Variants in ARHGEF10 observed in about 807,000 individuals in gnomAD.
The protein encoded by ARHGEF10 is Rho guanine nucleotide exchange factor (GEF) 10.
ARHGEF10 carries 140 observed loss-of-function variants against 147.4 expected under a neutral mutation model. The ratio of observed to expected loss-of-function variants is 0.95; its 90% CI spans 0.83 to 1.09. The LOEUF (loss-of-function observed/expected upper bound fraction) is 1.09, where lower values mean the gene tolerates loss of function less well. ARHGEF10 is among the 50% of genes least tolerant of loss of function. The pLI is 0.00. For missense variants in ARHGEF10, 2,222 were observed against 1,752.7 expected, an observed-to-expected ratio of 1.27 and a Z score of -4.78; for synonymous variants, 902 against 695.8, an observed-to-expected ratio of 1.30 and a Z score of -4.67.
In ARHGEF10 at chr8:1,956,805, G is replaced by A. The variant is rs748939392; in HGVS notation, c.3577G>A (p.Ala1193Thr). ...CAGTCCTGTCAAATTCATCGTCCTGGCCACGGCTCTGCACGAGAAAGACAA... is the reference window on the plus strand; with the variant it reads ...CAGTCCTGTCAAATTCATCGTCCTGACCACGGCTCTGCACGAGAAAGACAA... ...HNSPVKFIVLATALHEKDKDK... is the reference protein window; with the variant it reads ...HNSPVKFIVLTTALHEKDKDK... The change falls in exon 29 of 29, where the codon GCC becomes ACC. Residue 1193 changes from alanine (A) to threonine (T), a missense_variant. Physicochemically the swap from Ala to Thr is moderately conservative, Grantham distance 58 (BLOSUM62 0). Coordinates refer to ENST00000349830, the MANE Select transcript of ARHGEF10 (RefSeq NM_014629.4). 4 of 1,613,996 alleles carry A rather than the reference G, an allele frequency of 2.5e-6. No individual in the cohort carries two copies. The South Asian group carries it at 3.3e-5, about 13-fold the overall frequency.
At chr8:1,841,536 C>T (rs931927345) in intron 1 of ARHGEF10, among the ~76,000 whole-genome samples, 3 of 152,130 alleles carry the variant, frequency 2.0e-5, no homozygotes, top group Non-Finnish European at 4.4e-5. Context: ...AGGCTCTTTC[C>T]CAGCTACCGG....
chr8:1,838,684 C>A (rs76175967), intron 1 of ARHGEF10, among the ~76,000 whole-genome samples: 25 of 152,364 alleles, frequency 1.6e-4, no homozygotes, highest in African/African-American at 6.0e-4. Context: ...CCATGGGATC[C>A]GATTGTCGGA....
intron 18 of ARHGEF10, among the ~76,000 whole-genome samples, chr8:1,911,662 A>C (rs192215974): frequency 5.9e-5 from 9 of 152,310 alleles, no homozygotes; most frequent in Admixed American, 2.6e-4. Context: ...GTGGACCGAC[A>C]GTCTCTTGTT....
At chr8:1,931,277 A>AT (rs1242744813) in intron 25 of ARHGEF10, among the ~76,000 whole-genome samples, 3 of 152,034 alleles carry the variant, frequency 2.0e-5, no homozygotes, top group Admixed American at 6.5e-5. Flanking sequence ...TATAATCTGG[A>AT]TTTTTTTCTG....
In ARHGEF10 at chr8:1,867,377, C is replaced by T. The variant is rs73542452; in HGVS notation, c.622+775C>T. Among the ~76,000 whole-genome samples, 455 of 152,252 alleles carry T rather than the reference C, an allele frequency of 3.0e-3. 1 individual carries two copies. Among genetic ancestry groups the T allele is most frequent in the African/African-American group, 9.8e-3 (407 of 41,552 alleles). ...ACGTGAATGATTCGTGTTTAGATTT[C>T]AAAAACAGGAAACATCCAAAAGTGC... On this transcript the variant is annotated intron_variant, in intron 6 of 28. Coordinates refer to ENST00000349830, the MANE Select transcript of ARHGEF10 (RefSeq NM_014629.4).
At chr8:1,890,194 TA>T (rs2129147712) in intron 11 of ARHGEF10, among the ~76,000 whole-genome samples, 1 of 109,948 alleles carries the variant, frequency 9.1e-6, no homozygotes, top group East Asian at 3.1e-4. Flanking sequence ...AGACACTGAA[TA>T]GGGTGAGGGT....
intron 22 of ARHGEF10, among the ~76,000 whole-genome samples, chr8:1,925,972 C>G (rs964763970): frequency 2.0e-5 from 3 of 152,188 alleles, no homozygotes; most frequent in Non-Finnish European, 4.4e-5. Context: ...GCTCCCCTGA[C>G]CCCTCCTGTT....
At chr8:1,905,440 C>A (rs138681251) in intron 16 of ARHGEF10, 131 bp from the exon 17 acceptor site, 3 of 1,143,506 alleles carry the variant, frequency 2.6e-6, no homozygotes, top group African/African-American at 3.0e-5. Context: ...TCACGGGGAA[C>A]ATAGGAACGA....
At chr8:1,863,801 A>G (rs1041528135) in intron 4 of ARHGEF10, among the ~76,000 whole-genome samples, 1 of 152,094 alleles carries the variant, frequency 6.6e-6, no homozygotes, top group Non-Finnish European at 1.5e-5. Context: ...GGAGAGCCAC[A>G]GACAGGCAGG....
At chr8:1,844,055 G>T (rs1008974029) in intron 2 of ARHGEF10, among the ~76,000 whole-genome samples, 2 of 152,242 alleles carry the variant, frequency 1.3e-5, no homozygotes, top group African/African-American at 2.4e-5. Flanking sequence ...GTCGTCTGCA[G>T]GGCCTGGAGA....
At chr8:1,931,198 T>A (rs920567562) in intron 25 of ARHGEF10, among the ~76,000 whole-genome samples, 1 of 152,252 alleles carries the variant, frequency 6.6e-6, no homozygotes, top group African/African-American at 2.4e-5. Context: ...CTGCCTGTGT[T>A]CCTACCACTC....
chr8:1,933,964 A>G, intron 26 of ARHGEF10, 22 bp downstream of exon 26: 1 of 1,614,166 alleles, frequency 6.2e-7, no homozygotes, highest in Non-Finnish European at 8.5e-7. Context: ...AGGTGGCTAC[A>G]CGGTGTGGAA....
intron 7 of ARHGEF10, chr8:1,869,483 A>G (rs949343519): frequency 6.2e-5 from 40 of 641,954 alleles, no homozygotes; most frequent in Non-Finnish European, 1.0e-4. Flanking sequence ...CCAAGCAAAC[A>G]GAGGAGTAAA....
rs745921774 is a variant in ARHGEF10 at position 1,929,360 on chromosome 8, C to T, written c.2996C>T (p.Thr999Ile). 1 of 1,613,922 alleles carries T rather than the reference C, an allele frequency of 6.2e-7. No homozygotes were observed. The highest frequency in any genetic ancestry group is 8.5e-7 in the Non-Finnish European group (1 of 1,180,042). Residue 999 changes from threonine (T) to isoleucine (I), a missense_variant, in exon 25 of 29, where the codon ACA (threonine) becomes ATA (isoleucine). By Grantham distance (89) the Thr-to-Ile change is moderately conservative. Coordinates refer to ENST00000349830, the MANE Select transcript of ARHGEF10 (RefSeq NM_014629.4). ...LQHFFTPEKS[T>I]VMSLACTSQS... ...CACTTTTTCACTCCTGAGAAGTCCA[C>T]AGTCATGAGCCTGGCTTGCACGTCT... is the stretch of plus-strand genomic sequence containing the variant.
chr8:1,908,999 A>G (rs112582675), intron 17 of ARHGEF10, among the ~76,000 whole-genome samples: 3 of 152,222 alleles, frequency 2.0e-5, no homozygotes, highest in African/African-American at 7.2e-5. Context: ...GCTCAGAGTC[A>G]TCAGCAAGCA....
At chr8:1,875,178 C>T (rs546830917) in intron 7 of ARHGEF10, among the ~76,000 whole-genome samples, 2 of 94,950 alleles carry the variant, frequency 2.1e-5, no homozygotes, top group Admixed American at 1.1e-4. Flanking sequence ...TGGGAGAGTG[C>T]AGACACACAC....
rs868749741 is a variant in ARHGEF10, at chr8:1,840,399, T to C, written c.-47-2954T>C. 4.8e-3 allele frequency among the ~76,000 whole-genome samples: 529 copies of C among 111,310 alleles called. 18 individuals are homozygous for C. Among genetic ancestry groups the C allele is most frequent in the Admixed American group, 0.012 (133 of 10,724 alleles). 73.0% of individuals were successfully genotyped at this position (111,310 alleles called of 152,430 possible). The stretch of plus-strand genomic sequence containing the variant: ...GGGACTGTCTGGTGTGGAAGCTGTC[T>C]GGTGTGGGGACTGTCTGGTGTGGAA... On this transcript the variant is annotated intron_variant, in intron 1 of 28. Coordinates refer to ENST00000349830, the MANE Select transcript of ARHGEF10 (RefSeq NM_014629.4).
chr8:1,926,119 G>T (rs866170735), intron 22 of ARHGEF10, among the ~76,000 whole-genome samples: 1 of 152,148 alleles, frequency 6.6e-6, no homozygotes, highest in South Asian at 2.1e-4. Context: ...CTGAGCTGCC[G>T]GATTTCAGTG....
At chr8:1,915,793 A>C (rs1239783763) in intron 18 of ARHGEF10, among the ~76,000 whole-genome samples, 1 of 152,240 alleles carries the variant, frequency 6.6e-6, no homozygotes, top group African/African-American at 2.4e-5. Context: ...AGGGATACCC[A>C]TATTTTCTAA....
Sources: gnomAD v4.1 joint callset for allele counts (sites outside exome capture counted in the v4.1 genomes callset) on GRCh38, gnomAD v4.1.1 for gene constraint, MANE v1.5 for transcripts, NCBI Gene and HGNC (gene_info 2026-07-23, HGNC 2026-07-21) for gene names.